FGD4: variants seen among roughly 807,000 people sequenced by gnomAD.
FGD4 encodes the protein FYVE, RhoGEF and PH domain-containing protein 4.
A neutral mutation model predicts 102.0 loss-of-function variants in FGD4; 42 were observed. The ratio of observed to expected loss-of-function variants is 0.41; its 90% CI spans 0.32 to 0.53. The LOEUF is 0.53. FGD4 is among the 20% of genes least tolerant of loss of function. The probability of loss-of-function intolerance (pLI) is 0.21; values close to 1 mark genes in which losing one functional copy is unlikely to be tolerated. For synonymous variants in FGD4, 380 were observed against 375.7 expected (o/e 1.01, Z -0.13); for missense variants, 902 against 1,078.2 (o/e 0.84, Z 2.29).
chr12:32,575,393 A>G (rs1381018709), intron 2 of FGD4, among the ~76,000 whole-genome samples: 1 of 152,166 alleles, frequency 6.6e-6, no homozygotes, highest in Non-Finnish European at 1.5e-5. Flanking sequence ...CAGAGGAAGC[A>G]AGAGAGAGAA....
At chr12:32,446,123 C>T (rs186925671) in intron 1 of FGD4, among the ~76,000 whole-genome samples, 1 of 152,316 alleles carries the variant, frequency 6.6e-6, no homozygotes, top group Admixed American at 6.5e-5. Flanking sequence ...GACTGCACTC[C>T]AGCCTGGGCA....
chr12:32,589,601 A>G (rs1947311310), intron 4 of FGD4, among the ~76,000 whole-genome samples: 1 of 152,236 alleles, frequency 6.6e-6, no homozygotes, highest in Admixed American at 6.5e-5. Context: ...AGGACTCTTT[A>G]GTGTAACTTA....
Position 32,598,586 on chromosome 12 carries a change from G to A in FGD4, c.1101G>A (p.Gln367=). Residue 367 remains glutamine, a splice_region_variant and synonymous_variant, in exon 5 of 17, where the codon CAG becomes CAA. Coordinates refer to ENST00000534526, the MANE Select transcript of FGD4 (RefSeq NM_001370298.3). Reference sequence around the variant, plus strand: ...TCAACCGACTTGACCTCTTAGATCAGGTAAGATTTTCTTTCTCAGAATTAT... The same window carrying A: ...TCAACCGACTTGACCTCTTAGATCAAGTAAGATTTTCTTTCTCAGAATTAT... ...AYVNRLDLLD[Q]VFYCKLLEEA... 6.2e-7 allele frequency: 1 copy of A among 1,608,892 alleles called. No homozygotes were observed. Among genetic ancestry groups the A allele is most frequent in the Middle Eastern group, 1.7e-4 (1 of 6,046 alleles).
In FGD4 at chr12:32,639,026, A is replaced by G; in HGVS notation, c.2454+231A>G. On this transcript the variant is annotated intron_variant, in intron 16 of 16. Transcript: ENST00000534526. ...TCTGTCCCCTTTCTTGTCTCATTCA[A>G]TGGGTTTGAGAAAAGATGAGTTGAA... The G allele has an allele frequency of 5.7e-6, 7 of 1,223,710 alleles. No individual in the cohort carries two copies. The South Asian group carries it at 1.0e-4, about 18-fold the overall frequency. The allele number at this position is 1,223,710 out of a possible 1,614,324, so 75.8% of individuals were successfully genotyped here.
intron 1 of FGD4, among the ~76,000 whole-genome samples, chr12:32,413,312 A>C (rs1250189271): frequency 6.6e-6 from 1 of 152,146 alleles, no homozygotes; most frequent in Non-Finnish European, 1.5e-5. Context: ...TTTATAGAAA[A>C]AAAAACTTTT....
intron 2 of FGD4, among the ~76,000 whole-genome samples, chr12:32,572,969 G>A (rs1945796169): frequency 6.6e-6 from 1 of 152,182 alleles, no homozygotes; most frequent in African/African-American, 2.4e-5. Flanking sequence ...TAAGAAAGGT[G>A]GCCATGAAGA....
At chr12:32,559,674 C>G (rs974873684) in intron 1 of FGD4, among the ~76,000 whole-genome samples, 2 of 152,200 alleles carry the variant, frequency 1.3e-5, no homozygotes, top group African/African-American at 4.8e-5. Context: ...GAGATATTCT[C>G]TGTAAACATG....
At chr12:32,454,120 T>C (rs1274780976) in intron 1 of FGD4, among the ~76,000 whole-genome samples, 1 of 152,164 alleles carries the variant, frequency 6.6e-6, no homozygotes, top group Non-Finnish European at 1.5e-5. Flanking sequence ...ATTAAATTCC[T>C]GATAGCATTG....
intron 1 of FGD4, among the ~76,000 whole-genome samples, chr12:32,472,380 T>C (rs58048246): frequency 0.34 from 50,787 of 151,282 alleles, 9,150 homozygotes; most frequent in East Asian, 0.46. Context: ...GGCCCCGCAC[T>C]CGGAGCAGCC....
chr12:32,620,516 CTTTCTTTT>C (rs1949746430), intron 11 of FGD4, among the ~76,000 whole-genome samples: 2 of 108,110 alleles, frequency 1.8e-5, no homozygotes, highest in East Asian at 2.5e-4. Context: ...CATTTTTTTT[CTTTCTTTT>C]TTTTTTTTTT....
At chr12:32,441,587 C>G (rs1351569487) in intron 1 of FGD4, among the ~76,000 whole-genome samples, 1 of 151,784 alleles carries the variant, frequency 6.6e-6, no homozygotes. Context: ...AGAAAGGTGT[C>G]TCTTTTGGAG....
chr12:32,582,576 A>G (rs1946704200), intron 4 of FGD4, 109 bp downstream of exon 4: 2 of 1,419,882 alleles, frequency 1.4e-6, no homozygotes, highest in Non-Finnish European at 9.6e-7. Flanking sequence ...GATCACCCAC[A>G]CTGGCAGTTA....
intron 1 of FGD4, among the ~76,000 whole-genome samples, chr12:32,525,265 G>A (rs1462120217): frequency 6.6e-6 from 1 of 152,196 alleles, no homozygotes; most frequent in Non-Finnish European, 1.5e-5. Context: ...GAGGTGTAAA[G>A]TGCCCCAGCC....
rs1950989757 is a variant in FGD4 at position 32,638,710 on chromosome 12, T to C, written c.2369T>C (p.Met790Thr). 2 of 1,614,216 alleles carry C rather than the reference T, an allele frequency of 1.2e-6. No individual in the cohort carries two copies. Among genetic ancestry groups the C allele is most frequent in the Non-Finnish European group, 1.7e-6 (2 of 1,180,030 alleles). The change falls in exon 16 of 17, where the codon ATG (methionine) becomes ACG (threonine). Residue 790 changes from methionine to threonine, a missense_variant. Coordinates refer to ENST00000534526, the MANE Select transcript of FGD4 (RefSeq NM_001370298.3). Reference sequence around the variant, plus strand: ...GTGGTGTGCAGCTTTCTTCAGTATATGGAGAAGTCAAAACCTTGGCAGAAA... The same window carrying C: ...GTGGTGTGCAGCTTTCTTCAGTATACGGAGAAGTCAAAACCTTGGCAGAAA... ...NSVVCSFLQY[M>T]EKSKPWQKAW...
chr12:32,590,089 C>A (rs945132208), intron 4 of FGD4, among the ~76,000 whole-genome samples: 1 of 151,984 alleles, frequency 6.6e-6, no homozygotes, highest in Admixed American at 6.6e-5. Context: ...AGGTGGATCA[C>A]CTGAGGTCAG....
At chr12:32,490,688 C>T (rs537746437) in intron 1 of FGD4, among the ~76,000 whole-genome samples, 4 of 152,174 alleles carry the variant, frequency 2.6e-5, no homozygotes, top group African/African-American at 4.8e-5. Flanking sequence ...TGAGCCACCG[C>T]GCCTAGACTT....
chr12:32,590,297 T>C (rs1333347538), intron 4 of FGD4, among the ~76,000 whole-genome samples: 2 of 125,642 alleles, frequency 1.6e-5, no homozygotes, highest in East Asian at 4.4e-4. Flanking sequence ...GGGACAAGAG[T>C]GAGACTTCAT....
chr12:32,564,632 T>A (rs1419536421), intron 2 of FGD4, among the ~76,000 whole-genome samples: 1 of 152,206 alleles, frequency 6.6e-6, no homozygotes, highest in Non-Finnish European at 1.5e-5. Context: ...AAAGAAATGA[T>A]TTGCTAGATG....
chr12:32,499,282 G>A (rs1329316645), intron 1 of FGD4, among the ~76,000 whole-genome samples: 2 of 152,172 alleles, frequency 1.3e-5, no homozygotes, highest in Non-Finnish European at 2.9e-5. Flanking sequence ...TTGACTGTTG[G>A]TCACATGCCC....
Sources: allele counts gnomAD v4.1 joint callset (sites outside exome capture counted in the v4.1 genomes callset), GRCh38; gene constraint gnomAD v4.1.1; transcripts MANE v1.5; gene names NCBI Gene and HGNC (gene_info 2026-07-23, HGNC 2026-07-21).